Variants in PCDHB15 observed in about 807,000 individuals in gnomAD.
The protein encoded by PCDHB15 is protocadherin beta-15.
For missense variants in PCDHB15, 1,032 were observed against 991.7 expected, an observed-to-expected ratio of 1.04 and a Z score of -0.55; for synonymous variants, 492 against 447.9, an observed-to-expected ratio of 1.10 and a Z score of -1.24.
chr5:141,245,587 T>G lies in PCDHB15; in HGVS notation c.9T>G (p.Pro3=), dbSNP rs1554291737. ME[P]AGERFPEQRQ... ...CGTGTACAGAAGTAAAGATGGAGCC[T>G]GCAGGGGAGCGCTTTCCCGAACAAA... The change falls in exon 1 of 1, where the codon CCT becomes CCG. Residue 3 remains proline, a synonymous_variant. Transcript: ENST00000231173. 6.2e-7 allele frequency: 1 copy of G among 1,614,074 alleles called. No individual in the cohort carries two copies. Among genetic ancestry groups the G allele is most frequent in the Non-Finnish European group, 8.5e-7 (1 of 1,179,938 alleles).
chr5:141,245,776 A>G lies in PCDHB15; in HGVS notation c.198A>G (p.Val66=), dbSNP rs782682618. ...VGELAERGAR[V]VSEDNEQGLQ... ...AGCTAGCCGAGCGGGGAGCCCGGGT[A>G]GTTTCTGAGGATAACGAACAAGGCT... Residue 66 remains valine (V), a synonymous_variant, in exon 1 of 1, where the codon GTA becomes GTG. Coordinates refer to ENST00000231173, the MANE Select transcript of PCDHB15 (RefSeq NM_018935.4). 1.9e-6 allele frequency: 3 copies of G among 1,614,192 alleles called. No individual in the cohort carries two copies. The highest frequency in any genetic ancestry group is 4.5e-5 in the East Asian group (2 of 44,878).
Position 141,248,923 on chromosome 5 carries a change from G to A in PCDHB15, c.*981G>A, listed in dbSNP as rs1228860758. On this transcript the variant is annotated 3_prime_UTR_variant, in exon 1 of 1. Transcript: ENST00000231173. Reference sequence around the variant, plus strand: ...TGTTGGTGAAGGAGTTGAATTATTTGAGGAAAAAACATCTGCTCTCTTGTC... The same window carrying A: ...TGTTGGTGAAGGAGTTGAATTATTTAAGGAAAAAACATCTGCTCTCTTGTC... The A allele has an allele frequency of 6.6e-6, 1 of 152,148 alleles. No homozygotes were observed. Among genetic ancestry groups the A allele is most frequent in the East Asian group, 1.9e-4 (1 of 5,198 alleles). The allele number at this position is 152,148 out of a possible 1,614,324, so 9.4% of individuals were successfully genotyped here.
rs782005566 is a variant in PCDHB15, at chr5:141,247,270, G to A, written c.1692G>A (p.Pro564=). Reference sequence around the variant, plus strand: ...ACAACTCGCCCTTCGTGCTGTACCCGCTGCAGAACGGCTCCGCGCCCTGCA... The same window carrying A: ...ACAACTCGCCCTTCGTGCTGTACCCACTGCAGAACGGCTCCGCGCCCTGCA... ...ANDNSPFVLY[P]LQNGSAPCTE... is the part of the protein sequence containing the mutation. The change falls in exon 1 of 1, where the codon CCG becomes CCA. Residue 564 remains proline (P), a synonymous_variant. Transcript: ENST00000231173. The A allele has an allele frequency of 3.7e-6, 6 of 1,610,920 alleles. No individual in the cohort carries two copies. The East Asian group carries it at 1.3e-4, about 36-fold the overall frequency.
rs374929812 is a variant in PCDHB15 at position 141,246,345 on chromosome 5, C to A, written c.767C>A (p.Pro256Gln). The A allele has an allele frequency of 6.2e-7, 1 of 1,614,060 alleles. No individual in the cohort carries two copies. Among genetic ancestry groups the A allele is most frequent in the Non-Finnish European group, 8.5e-7 (1 of 1,179,962 alleles). ...LYEVQVPENS[P>Q]VGSLVVKVSA... ...GAGGTGCAGGTCCCAGAGAACAGCC[C>A]AGTAGGCTCCCTAGTTGTCAAGGTC... The change falls in exon 1 of 1, where the codon CCA (proline) becomes CAA (glutamine). Residue 256 changes from proline to glutamine, a missense_variant. Physicochemically the swap from Pro to Gln is moderately conservative, Grantham distance 76. Transcript: ENST00000231173.
rs782748685 is a variant in PCDHB15, at chr5:141,247,394, C to A, written c.1816C>A (p.Leu606Met). 3.1e-6 allele frequency: 5 copies of A among 1,605,220 alleles called. No individual in the cohort carries two copies. The South Asian group carries it at 5.5e-5, about 18-fold the overall frequency. Residue 606 changes from leucine to methionine, a missense_variant, in exon 1 of 1, where the codon CTG (leucine) becomes ATG (methionine). Transcript: ENST00000231173. ...CCAGAACGCCTGGCTGTCGTACCAG[C>A]TGCTCAAGGCCACGGAGCCCGGGCT... ...SGQNAWLSYQ[L>M]LKATEPGLFG...
Position 141,246,252 on chromosome 5 carries a change from C to A in PCDHB15, c.674C>A (p.Thr225Asn), listed in dbSNP as rs782498225. 2 of 1,614,034 alleles carry A rather than the reference C, an allele frequency of 1.2e-6. No homozygotes were observed. Among genetic ancestry groups the A allele is most frequent in the Non-Finnish European group, 1.7e-6 (2 of 1,180,020 alleles). Residue 225 changes from threonine (T) to asparagine (N), a missense_variant, in exon 1 of 1, where the codon ACC (threonine) becomes AAC (asparagine). Coordinates refer to ENST00000231173, the MANE Select transcript of PCDHB15 (RefSeq NM_018935.4). ...VDGGSPPRSGTVQILILVLDA... is the reference protein window; with the variant it reads ...VDGGSPPRSGNVQILILVLDA... ...GGTGGCTCTCCACCCCGATCTGGCA[C>A]CGTCCAGATCCTCATCTTGGTCTTG... is the stretch of plus-strand genomic sequence containing the variant.
Position 141,247,684 on chromosome 5 carries a change from C to T in PCDHB15, c.2106C>T (p.Leu702=), listed in dbSNP as rs782216491. The T allele has an allele frequency of 6.2e-7, 1 of 1,611,070 alleles. No individual in the cohort carries two copies. Among genetic ancestry groups the T allele is most frequent in the Admixed American group, 1.7e-5 (1 of 60,028 alleles). The change falls in exon 1 of 1, where the codon CTC becomes CTT. Residue 702 remains leucine, a synonymous_variant. Transcript: ENST00000231173. ...VALASVSSLF[L]FSVFLFVAVR... ...TGGCCTCGGTGTCTTCGCTCTTCCT[C>T]TTCTCGGTGTTCCTGTTCGTGGCAG...
Position 141,246,333 on chromosome 5 carries a change from C to T in PCDHB15, c.755C>T (p.Pro252Leu). Residue 252 changes from proline to leucine, a missense_variant, in exon 1 of 1, where the codon CCA (proline) becomes CTA (leucine). Transcript: ENST00000231173. ...FVQALYEVQV[P>L]ENSPVGSLVV... ...CAGGCGCTCTACGAGGTGCAGGTCC[C>T]AGAGAACAGCCCAGTAGGCTCCCTA... 1 of 1,614,060 alleles carries T rather than the reference C, an allele frequency of 6.2e-7. No individual in the cohort carries two copies. The highest frequency in any genetic ancestry group is 1.7e-5 in the Admixed American group (1 of 60,018).
At position 141,245,685 on chromosome 5, in the gene PCDHB15, T is replaced by C. The variant is rs782416575; in HGVS notation, c.107T>C (p.Met36Thr). The C allele has an allele frequency of 4.3e-6, 7 of 1,614,062 alleles. No homozygotes were observed. The highest frequency in any genetic ancestry group is 5.9e-6 in the Non-Finnish European group (7 of 1,180,026). The stretch of plus-strand genomic sequence containing the variant: ...TGGGAACCCCGTCGCTATTCTGTGA[T>C]GGAGGAAACAGAGAGAGGTTCTTTT... Reference protein sequence around the residue: ...AGWEPRRYSVMEETERGSFVA... With the variant: ...AGWEPRRYSVTEETERGSFVA... Residue 36 changes from methionine to threonine, a missense_variant, in exon 1 of 1, where the codon ATG becomes ACG. Transcript: ENST00000231173.
rs782266469 is a variant in PCDHB15 at position 141,246,185 on chromosome 5, G to A, written c.607G>A (p.Glu203Lys). Residue 203 changes from glutamate to lysine, a missense_variant, in exon 1 of 1, where the codon GAG becomes AAG. Glu to Lys is a moderately conservative substitution (Grantham distance 56, BLOSUM62 1). Transcript: ENST00000231173. ...GGTGCTGGACACAGAACTGGATCGC[G>A]AGGAGCAGGCCGAGCTCAGATTAAC... ...ELVLDTELDR[E>K]EQAELRLTLT... 6.2e-7 allele frequency: 1 copy of A among 1,614,198 alleles called. No homozygotes were observed. The highest frequency in any genetic ancestry group is 8.5e-7 in the Non-Finnish European group (1 of 1,180,040).
chr5:141,246,628 A>G lies in PCDHB15; in HGVS notation c.1050A>G (p.Ser350=), dbSNP rs141732641. ...VNDNFPELSI[S]SLTSPIPENS... ...ATAACTTCCCGGAACTAAGTATTTC[A>G]TCACTTACCAGCCCTATTCCCGAGA... The change falls in exon 1 of 1, where the codon TCA becomes TCG. Residue 350 remains serine, a synonymous_variant. Coordinates refer to ENST00000231173, the MANE Select transcript of PCDHB15 (RefSeq NM_018935.4). The G allele has an allele frequency of 1.9e-6, 3 of 1,614,110 alleles. No homozygotes were observed. The African/African-American group carries it at 4.0e-5, about 22-fold the overall frequency.
At position 141,246,595 on chromosome 5, in the gene PCDHB15, T is replaced by C; in HGVS notation, c.1017T>C (p.Asp339=). The C allele has an allele frequency of 6.2e-7, 1 of 1,614,222 alleles. No individual in the cohort carries two copies. Among genetic ancestry groups the C allele is most frequent in the Non-Finnish European group, 8.5e-7 (1 of 1,180,042 alleles). ...GCTCTGTCTCTGTTAAGGTGCTGGA[T>C]GTTAACGATAACTTCCCGGAACTAA... ...GKCSVSVKVL[D]VNDNFPELSI... The change falls in exon 1 of 1, where the codon GAT becomes GAC. Residue 339 remains aspartate (D), a synonymous_variant. Coordinates refer to ENST00000231173, the MANE Select transcript of PCDHB15 (RefSeq NM_018935.4).
chr5:141,245,763 G>C lies in PCDHB15; in HGVS notation c.185G>C (p.Arg62Pro). 2 of 1,614,206 alleles carry C rather than the reference G, an allele frequency of 1.2e-6. No homozygotes were observed. Among genetic ancestry groups the C allele is most frequent in the Non-Finnish European group, 1.7e-6 (2 of 1,180,032 alleles). The stretch of plus-strand genomic sequence containing the variant: ...CTGGGAGTGGGGGAGCTAGCCGAGC[G>C]GGGAGCCCGGGTAGTTTCTGAGGAT... Reference protein sequence around the residue: ...LGLGVGELAERGARVVSEDNE... With the variant: ...LGLGVGELAEPGARVVSEDNE... Residue 62 changes from arginine (R) to proline (P), a missense_variant, in exon 1 of 1, where the codon CGG becomes CCG. Arg to Pro is a moderately radical substitution (Grantham distance 103). Transcript: ENST00000231173.
In PCDHB15 at chr5:141,247,612, G is replaced by A. The variant is rs782537778; in HGVS notation, c.2034G>A (p.Pro678=). Residue 678 remains proline (P), a synonymous_variant, in exon 1 of 1, where the codon CCG becomes CCA. Coordinates refer to ENST00000231173, the MANE Select transcript of PCDHB15 (RefSeq NM_018935.4). Reference sequence around the variant, plus strand: ...ACCTGCCGCTCCCAGAGGCGGCCCCGGCCCAAGCCCAGGCCGACTCGCTTA... The same window carrying A: ...ACCTGCCGCTCCCAGAGGCGGCCCCAGCCCAAGCCCAGGCCGACTCGCTTA... ...QPYLPLPEAA[P]AQAQADSLTV... is the part of the protein sequence containing the mutation. 12 of 1,610,190 alleles carry A rather than the reference G, an allele frequency of 7.5e-6. No homozygotes were observed. The highest frequency in any genetic ancestry group is 1.3e-5 in the African/African-American group (1 of 74,880).
At position 141,246,623 on chromosome 5, in the gene PCDHB15, A is replaced by G. The variant is rs1243574062; in HGVS notation, c.1045A>G (p.Ile349Val). The G allele has an allele frequency of 7.4e-6, 12 of 1,614,172 alleles. No individual in the cohort carries two copies. Among genetic ancestry groups the G allele is most frequent in the Non-Finnish European group, 1.0e-5 (12 of 1,180,018 alleles). Residue 349 changes from isoleucine (I) to valine (V), a missense_variant, in exon 1 of 1, where the codon ATT (isoleucine) becomes GTT (valine). By Grantham distance (29) the Ile-to-Val change is conservative. Transcript: ENST00000231173. ...TAACGATAACTTCCCGGAACTAAGT[A>G]TTTCATCACTTACCAGCCCTATTCC... ...DVNDNFPELSISSLTSPIPEN... is the reference protein window; with the variant it reads ...DVNDNFPELSVSSLTSPIPEN...
At position 141,245,521 on chromosome 5, in the gene PCDHB15, C is replaced by T; in HGVS notation, c.-58C>T. Reference sequence around the variant, plus strand: ...AGATCGATCACTGCCTCTGTCCCATCGCTCCCTGAAGTAGCTCTGACTCCG... The same window carrying T: ...AGATCGATCACTGCCTCTGTCCCATTGCTCCCTGAAGTAGCTCTGACTCCG... On this transcript the variant is annotated 5_prime_UTR_variant, in exon 1 of 1. Transcript: ENST00000231173. The T allele has an allele frequency of 2.0e-6, 3 of 1,468,230 alleles. No individual in the cohort carries two copies. The highest frequency in any genetic ancestry group is 2.8e-6 in the Non-Finnish European group (3 of 1,065,146). The allele number at this position is 1,468,230 out of a possible 1,614,324, so 91.0% of individuals were successfully genotyped here.
Position 141,246,961 on chromosome 5 carries a change from C to G in PCDHB15, c.1383C>G (p.Arg461=), listed in dbSNP as rs17844564. The G allele has an allele frequency of 2.3e-3, 3,710 of 1,613,200 alleles. 79 individuals carry two copies. In the African/African-American group the frequency reaches 0.041, roughly 18 times the overall value. The part of the protein sequence containing the change: ...FTQTSYTLFV[R]ENNSPALHIG... ...AAACCTCCTACACCCTGTTCGTCCGCGAGAACAACAGCCCCGCCCTGCACA... is the reference window on the plus strand; with the variant it reads ...AAACCTCCTACACCCTGTTCGTCCGGGAGAACAACAGCCCCGCCCTGCACA... The change falls in exon 1 of 1, where the codon CGC becomes CGG. Residue 461 remains arginine, a synonymous_variant. Coordinates refer to ENST00000231173, the MANE Select transcript of PCDHB15 (RefSeq NM_018935.4).
Position 141,247,910 on chromosome 5 carries a change from G to A in PCDHB15, c.2332G>A (p.Asp778Asn), listed in dbSNP as rs1755322294. ...KPIFPNIVSQ[D>N]SRRKSEFLE is the part of the protein sequence containing the mutation. The stretch of plus-strand genomic sequence containing the variant: ...TATATTCCCAAATATTGTAAGCCAG[G>A]ACTCTAGGAGGAAATCAGAATTTCT... Residue 778 changes from aspartate to asparagine, a missense_variant, in exon 1 of 1, where the codon GAC (aspartate) becomes AAC (asparagine). Physicochemically the swap from Asp to Asn is conservative, Grantham distance 23 (BLOSUM62 1). Transcript: ENST00000231173. 6.2e-7 allele frequency: 1 copy of A among 1,609,440 alleles called. No homozygotes were observed. Among genetic ancestry groups the A allele is most frequent in the Non-Finnish European group, 8.5e-7 (1 of 1,177,492 alleles).
At position 141,246,061 on chromosome 5, in the gene PCDHB15, C is replaced by A. The variant is rs150283740; in HGVS notation, c.483C>A (p.Asp161Glu). 1.9e-6 allele frequency: 3 copies of A among 1,614,096 alleles called. No individual in the cohort carries two copies. The South Asian group carries it at 3.3e-5, about 18-fold the overall frequency. ...CTCTGAAAAAAGCTCGGGACTTGGA[C>A]GTGGGCAGCAATAATGTTCAAAACT... ...VFPLKKARDL[D>E]VGSNNVQNYN... The change falls in exon 1 of 1, where the codon GAC becomes GAA. Residue 161 changes from aspartate to glutamate, a missense_variant. Transcript: ENST00000231173.
Sources: gnomAD v4.1 joint callset for allele counts on GRCh38, gnomAD v4.1.1 for gene constraint, MANE v1.5 for transcripts, NCBI Gene and HGNC (gene_info 2026-07-23, HGNC 2026-07-21) for gene names.